Variants in FLT4 observed in about 807,000 individuals in gnomAD.
FLT4 encodes vascular endothelial growth factor receptor 3.
In FLT4, 30 loss-of-function variants were observed where a neutral mutation model predicts 163.2. The ratio of observed to expected loss-of-function variants is 0.18; its 90% CI spans 0.14 to 0.25. The LOEUF is 0.25. Ranked by LOEUF, FLT4 falls within the 10% of genes least tolerant of loss-of-function variation. The pLI is 1.00. For synonymous variants in FLT4, 884 were observed against 789.5 expected, an observed-to-expected ratio of 1.12 and a Z score of -2.01; for missense variants, 1,510 against 1,863.8, an observed-to-expected ratio of 0.81 and a Z score of 3.50.
At chr5:180,648,631 C>T (rs1765592930) in intron 1 of FLT4, among the ~76,000 whole-genome samples, 1 of 152,154 alleles carries the variant, frequency 6.6e-6, no homozygotes, top group South Asian at 2.1e-4. Context: ...TCCCTGACAT[C>T]TCCATCCACT....
At chr5:180,634,241 G>A (rs1012398513) in intron 1 of FLT4, among the ~76,000 whole-genome samples, 6 of 152,102 alleles carry the variant, frequency 3.9e-5, no homozygotes, top group African/African-American at 9.7e-5. Context: ...TAGTTCAGAC[G>A]CCCTCATCAC....
chr5:180,613,423 C>T (rs1762365280), intron 24 of FLT4: 1 of 354,118 alleles, frequency 2.8e-6, no homozygotes, highest in Non-Finnish European at 5.1e-6. Context: ...GCGGGGGAGC[C>T]GCCTGCAGGC....
rs1471386169 is a variant in FLT4 at position 180,603,243 on chromosome 5, GTCC to G, written c.4038_4040del (p.Glu1346del). 9 of 1,614,066 alleles carry G rather than the reference GTCC, an allele frequency of 5.6e-6. No homozygotes were observed. Among genetic ancestry groups the G allele is most frequent in the Non-Finnish European group, 6.8e-6 (8 of 1,180,042 alleles). On this transcript the variant is annotated inframe_deletion, in exon 30 of 30. Transcript: ENST00000261937. ...TCACGCGGGCAGACGGGGAGCAGTG[GTCC>G]TCCTCGCTTGGCTCCGACAGCTCCC...
chr5:180,643,566 A>T (rs1156803076), intron 1 of FLT4, among the ~76,000 whole-genome samples: 1 of 152,036 alleles, frequency 6.6e-6, no homozygotes, highest in African/African-American at 2.4e-5. Context: ...CTAGAACACA[A>T]GTCCCTCTCC....
chr5:180,640,777 C>T (rs1471728817), intron 1 of FLT4, among the ~76,000 whole-genome samples: 2 of 152,216 alleles, frequency 1.3e-5, no homozygotes, highest in African/African-American at 2.4e-5. Flanking sequence ...TTGTTCTGTA[C>T]AGAACCCATA....
intron 1 of FLT4, among the ~76,000 whole-genome samples, chr5:180,634,116 TCC>T (rs1333433997): frequency 3.9e-5 from 6 of 152,178 alleles, no homozygotes; most frequent in East Asian, 1.9e-4. Context: ...GGCATGGACC[TCC>T]TCCTCCCATC....
intron 12 of FLT4, 28 bp from the exon 13 acceptor site, chr5:180,621,932 C>T (rs759079962): frequency 1.9e-6 from 3 of 1,612,272 alleles, no homozygotes; most frequent in African/African-American, 2.7e-5. Flanking sequence ...AGCCCTGTGG[C>T]ACTGCCCTGG....
chr5:180,620,210 G>T lies in FLT4; in HGVS notation c.2505C>A (p.Ala835=). 1 of 1,610,724 alleles carries T rather than the reference G, an allele frequency of 6.2e-7. No individual in the cohort carries two copies. Residue 835 remains alanine, a synonymous_variant, in exon 17 of 30, where the codon GCC becomes GCA. Transcript: ENST00000261937. This position sits in a 1 kb window ranked among gnomAD's most constrained non-coding sequence, Gnocchi z 4.4. ...EEQCEYLSYD[A]SQWEFPRERL... ...GCTCTCGGGGGAATTCCCACTGGCTGGCATCGTAGGACAGGTATTCGCATT... is the reference window on the plus strand; with the variant it reads ...GCTCTCGGGGGAATTCCCACTGGCTTGCATCGTAGGACAGGTATTCGCATT...
rs1253085283 is a variant in FLT4, at chr5:180,602,633, C to G, written c.*559G>C. On this transcript the variant is annotated 3_prime_UTR_variant, in exon 30 of 30. Transcript: ENST00000261937. ...GGCTAGTTGGCTGTTTGGTCAGGCC[C>G]AGAAGAGGACCCTGCAAATGCCTTC... 2 of 408,732 alleles carry G rather than the reference C, an allele frequency of 4.9e-6. No individual in the cohort carries two copies. Among genetic ancestry groups the G allele is most frequent in the African/African-American group, 2.0e-5 (1 of 48,806 alleles). 25.3% of individuals were successfully genotyped at this position (408,732 alleles called of 1,614,324 possible).
intron 1 of FLT4, among the ~76,000 whole-genome samples, chr5:180,633,987 C>A (rs1353613634): frequency 6.6e-6 from 1 of 152,182 alleles, no homozygotes; most frequent in Non-Finnish European, 1.5e-5. Flanking sequence ...CCAGCTCCAC[C>A]GTGCGGCAGC....
chr5:180,622,037 C>G (rs1252826824), intron 12 of FLT4, 133 bp from the exon 13 acceptor site: 32 of 1,014,712 alleles, frequency 3.2e-5, no homozygotes, highest in Non-Finnish European at 4.6e-5. Flanking sequence ...CTGCTTGCCC[C>G]CCGCCCCACC....
chr5:180,642,745 A>G (rs1765222636), intron 1 of FLT4, among the ~76,000 whole-genome samples: 1 of 152,192 alleles, frequency 6.6e-6, no homozygotes, highest in African/African-American at 2.4e-5. Context: ...AGCAAGTACC[A>G]CAAAGAATGA....
chr5:180,628,593 G>A (rs917714522), intron 8 of FLT4, among the ~76,000 whole-genome samples: 1 of 152,236 alleles, frequency 6.6e-6, no homozygotes, highest in Admixed American at 6.5e-5. Context: ...GGGCCCAGCG[G>A]TCAGGAGGCA....
chr5:180,621,277 C>T, intron 13 of FLT4, 25 bp from the exon 14 acceptor site: 1 of 1,607,362 alleles, frequency 6.2e-7, no homozygotes, highest in Non-Finnish European at 8.5e-7. Flanking sequence ...CGAGAGGGAG[C>T]TAAGTGGAGC....
At position 180,620,408 on chromosome 5, in the gene FLT4, G is replaced by A. The variant is rs1181348967; in HGVS notation, c.2407-100C>T. 11 of 1,490,552 alleles carry A rather than the reference G, an allele frequency of 7.4e-6. No homozygotes were observed. Among genetic ancestry groups the A allele is most frequent in the Non-Finnish European group, 1.0e-5 (11 of 1,076,782 alleles). The allele number at this position is 1,490,552 out of a possible 1,614,324, so 92.3% of individuals were successfully genotyped here. On this transcript the variant is annotated intron_variant, in intron 16 of 29. Transcript: ENST00000261937. This position sits in a 1 kb window ranked among gnomAD's most constrained non-coding sequence, Gnocchi z 4.4. ...GCCCAGGACAGATGGCACTTCCTGC[G>A]GGGTTCTCAGTCAAGGAGGGGACAG...
intron 1 of FLT4, among the ~76,000 whole-genome samples, chr5:180,644,884 A>T (rs889038868): frequency 6.6e-6 from 1 of 152,366 alleles, no homozygotes; most frequent in Admixed American, 6.5e-5. Flanking sequence ...TCTGAGGCAC[A>T]CTGTGAGCGG....
At position 180,619,636 on chromosome 5, in the gene FLT4, G is replaced by C. The variant is rs118164683; in HGVS notation, c.2647+29C>G. On this transcript the variant is annotated intron_variant, in intron 18 of 29. Transcript: ENST00000261937. Reference sequence around the variant, plus strand: ...CGAGCTGCTGCTCCTCACCAGCTAGGCTGCCCCTTCCGCCCGCTGACCCCA... The same window carrying C: ...CGAGCTGCTGCTCCTCACCAGCTAGCCTGCCCCTTCCGCCCGCTGACCCCA... The C allele has an allele frequency of 1.2e-3, 1,915 of 1,563,000 alleles. 40 individuals are homozygous for C. In the East Asian group the frequency reaches 0.032, roughly 26 times the overall value.
intron 27 of FLT4, 32 bp from the exon 28 acceptor site, chr5:180,610,057 C>G (rs112990569): frequency 1.9e-6 from 3 of 1,613,384 alleles, no homozygotes; most frequent in Admixed American, 3.3e-5. Flanking sequence ...TGCTGAGGAA[C>G]GCGCTGCAGC....
At chr5:180,605,025 A>G (rs1474898505) in intron 29 of FLT4, among the ~76,000 whole-genome samples, 1 of 152,182 alleles carries the variant, frequency 6.6e-6, no homozygotes, top group Non-Finnish European at 1.5e-5. Flanking sequence ...CAGTGGCACG[A>G]TCATGGCTCA....
Sources: allele counts gnomAD v4.1 joint callset (sites outside exome capture counted in the v4.1 genomes callset), GRCh38; gene constraint gnomAD v4.1.1; non-coding constraint Gnocchi (gnomAD v3.1); transcripts MANE v1.5; gene names NCBI Gene and HGNC (gene_info 2026-07-23, HGNC 2026-07-21).